PHACTR1: variants seen among roughly 807,000 people sequenced by gnomAD.
The protein encoded by PHACTR1 is RPEL repeat containing 1.
PHACTR1 carries 16 observed loss-of-function variants against 69.2 expected under a neutral mutation model. That is an observed-to-expected ratio of 0.23 (90% CI 0.16 to 0.35). The LOEUF is 0.35. Ranked by LOEUF, PHACTR1 falls within the 10% of genes least tolerant of loss-of-function variation. The pLI is 1.00. For synonymous variants in PHACTR1, 312 were observed against 284.5 expected (o/e 1.10, Z -0.97); for missense variants, 510 against 734.7 (o/e 0.69, Z 3.54).
intron 5 of PHACTR1, among the ~76,000 whole-genome samples, chr6:13,096,746 C>T (rs1002048150): frequency 8.5e-5 from 13 of 152,148 alleles, no homozygotes; most frequent in South Asian, 4.1e-4. Flanking sequence ...ATTTATTAAG[C>T]ATAGCTTTCG....
In PHACTR1 at chr6:12,896,651, G is replaced by A. The variant is rs374173133; in HGVS notation, c.250+146861G>A. On this transcript the variant is annotated intron_variant, in intron 4 of 14. Transcript: ENST00000332995. ...CTAGTTAATAATAAAAGTAAACAAA[G>A]TAAACAGCAGAGAAACATTCTCCAG... Among the ~76,000 whole-genome samples, 11 of 152,270 alleles carry A rather than the reference G, an allele frequency of 7.2e-5. No individual in the cohort carries two copies. The East Asian group carries it at 9.7e-4, about 13-fold the overall frequency.
chr6:12,802,084 A>G (rs1773764060), intron 4 of PHACTR1, among the ~76,000 whole-genome samples: 1 of 147,262 alleles, frequency 6.8e-6, no homozygotes, highest in Admixed American at 6.8e-5. Flanking sequence ...TGAGCTACAT[A>G]TTATATAAAA....
At chr6:13,119,125 A>G (rs1166398742) in intron 5 of PHACTR1, among the ~76,000 whole-genome samples, 1 of 152,156 alleles carries the variant, frequency 6.6e-6, no homozygotes, top group Non-Finnish European at 1.5e-5. Flanking sequence ...GTTTTTTTAA[A>G]CTTCATTTCT....
At chr6:13,097,783 G>T (rs1814515548) in intron 5 of PHACTR1, among the ~76,000 whole-genome samples, 1 of 151,952 alleles carries the variant, frequency 6.6e-6, no homozygotes, top group African/African-American at 2.4e-5. Flanking sequence ...GTATCCCCAG[G>T]TCTCCTCCTT....
chr6:13,122,254 T>A (rs1374242989), intron 5 of PHACTR1, among the ~76,000 whole-genome samples: 2 of 152,232 alleles, frequency 1.3e-5, no homozygotes, highest in African/African-American at 4.8e-5. Flanking sequence ...CATCTAGGTA[T>A]CTTGTATTTT....
At chr6:13,231,087 G>GA (rs1554167416) in intron 10 of PHACTR1, among the ~76,000 whole-genome samples, 10 of 16,208 alleles carry the variant, frequency 6.2e-4, no homozygotes. Flanking sequence ...AAGGAAGGAA[G>GA]AAGGAAGGAA....
At chr6:13,061,785 G>A (rs202193208) in intron 5 of PHACTR1, among the ~76,000 whole-genome samples, 1 of 152,126 alleles carries the variant, frequency 6.6e-6, no homozygotes, top group East Asian at 1.9e-4. Context: ...ATTTTGAACC[G>A]ATATTTTCTG....
At chr6:13,282,076 C>A (rs1042887195) in intron 12 of PHACTR1, among the ~76,000 whole-genome samples, 2 of 152,242 alleles carry the variant, frequency 1.3e-5, no homozygotes, top group Admixed American at 6.5e-5. Flanking sequence ...TTGGAACATT[C>A]TCGCACTAGC....
intron 4 of PHACTR1, among the ~76,000 whole-genome samples, chr6:13,001,249 T>C (rs1470295879): frequency 6.6e-6 from 1 of 152,242 alleles, no homozygotes; most frequent in Non-Finnish European, 1.5e-5. Context: ...TTAATTCATT[T>C]TCTAAAGAAT....
At chr6:13,034,931 A>G (rs991912885) in intron 4 of PHACTR1, among the ~76,000 whole-genome samples, 1 of 152,244 alleles carries the variant, frequency 6.6e-6, no homozygotes, top group Admixed American at 6.5e-5. Flanking sequence ...AAATGCTGTT[A>G]GAAGACCTAT....
chr6:13,259,303 A>C lies in PHACTR1; in HGVS notation c.1392-13557A>C, dbSNP rs183825648. Among the ~76,000 whole-genome samples, 8 of 152,294 alleles carry C rather than the reference A, an allele frequency of 5.3e-5. No homozygotes were observed. In the East Asian group the frequency reaches 1.3e-3, roughly 26 times the overall value. On this transcript the variant is annotated intron_variant, in intron 10 of 14. Coordinates refer to ENST00000332995, the MANE Select transcript of PHACTR1 (RefSeq NM_030948.6). ...CACTGTGCAGGCTCTCAACCGTCTCACTGTTTTGTTTTTCAATGGATTTGA... is the reference window on the plus strand; with the variant it reads ...CACTGTGCAGGCTCTCAACCGTCTCCCTGTTTTGTTTTTCAATGGATTTGA...
intron 8 of PHACTR1, among the ~76,000 whole-genome samples, chr6:13,210,095 C>G (rs889868533): frequency 2.0e-5 from 3 of 152,198 alleles, no homozygotes; most frequent in Non-Finnish European, 4.4e-5. Flanking sequence ...GCGGTCTCGA[C>G]CTTCCAGGCT....
chr6:12,879,568 G>A (rs1782873643), intron 4 of PHACTR1, among the ~76,000 whole-genome samples: 1 of 152,218 alleles, frequency 6.6e-6, no homozygotes, highest in African/African-American at 2.4e-5. Flanking sequence ...CTTTTTCTCA[G>A]GAGCTTTTTG....
At chr6:13,192,132 A>C (rs1763688661) in intron 7 of PHACTR1, among the ~76,000 whole-genome samples, 1 of 152,248 alleles carries the variant, frequency 6.6e-6, no homozygotes, top group Non-Finnish European at 1.5e-5. Flanking sequence ...AAAATGGTTA[A>C]GGCCATCAGC....
intron 5 of PHACTR1, among the ~76,000 whole-genome samples, chr6:13,089,241 A>G (rs977399916): frequency 6.6e-6 from 1 of 152,174 alleles, no homozygotes; most frequent in African/African-American, 2.4e-5. Flanking sequence ...GACACTTACC[A>G]GTACATCTGC....
At chr6:12,934,534 G>A (rs1408697263) in intron 4 of PHACTR1, among the ~76,000 whole-genome samples, 1 of 152,052 alleles carries the variant, frequency 6.6e-6, no homozygotes, top group Non-Finnish European at 1.5e-5. Flanking sequence ...CACCAGATGT[G>A]TTAAAACTCC....
chr6:12,931,493 C>G (rs1402235841), intron 4 of PHACTR1, among the ~76,000 whole-genome samples: 1 of 151,836 alleles, frequency 6.6e-6, no homozygotes, highest in Non-Finnish European at 1.5e-5. Flanking sequence ...GTCCAGAGAC[C>G]CAAAATAAAT....
At chr6:13,183,625 G>C (rs897476893) in intron 7 of PHACTR1, among the ~76,000 whole-genome samples, 4 of 152,124 alleles carry the variant, frequency 2.6e-5, no homozygotes, top group Admixed American at 2.6e-4. Flanking sequence ...TGATCAGGGA[G>C]GAGGAAGGAG....
At chr6:13,257,016 T>C (rs775271767) in intron 10 of PHACTR1, among the ~76,000 whole-genome samples, 15 of 152,200 alleles carry the variant, frequency 9.9e-5, no homozygotes, top group Non-Finnish European at 1.8e-4. Context: ...TACAAAGAAA[T>C]ACCTGAGACT....
Sources: allele counts gnomAD v4.1 joint callset (sites outside exome capture counted in the v4.1 genomes callset), GRCh38; gene constraint gnomAD v4.1.1; transcripts MANE v1.5; gene names NCBI Gene and HGNC (gene_info 2026-07-23, HGNC 2026-07-21).